SNED1: variants seen among roughly 807,000 people sequenced by gnomAD.
SNED1 encodes the protein sushi, nidogen and EGF-like domain-containing protein 1.
SNED1 carries 81 observed loss-of-function variants against 166.7 expected under a neutral mutation model. The ratio of observed to expected loss-of-function variants is 0.49; its 90% CI spans 0.41 to 0.58. The LOEUF (loss-of-function observed/expected upper bound fraction) is 0.58, where lower values mean the gene tolerates loss of function less well. Among genes scored for constraint, SNED1 ranks in the 20% least tolerant of loss-of-function variants. The pLI is 0.00. For synonymous variants in SNED1, 762 were observed against 822.0 expected (o/e 0.93, Z 1.25); for missense variants, 1,604 against 2,000.2 (o/e 0.80, Z 3.78).
chr2:241,037,163 G>T (rs1028898426), intron 5 of SNED1, 77 bp from the exon 6 acceptor site: 2 of 1,296,458 alleles, frequency 1.5e-6, no homozygotes, highest in Non-Finnish European at 2.2e-6. Context: ...CTCCGTCCCC[G>T]GCCCAACCCG....
Position 241,094,486 on chromosome 2 carries a change from C to T in SNED1, c.*2850C>T, listed in dbSNP as rs2064257004. ...AGTGCTGAATCCCCACAATTGCATGCAGCTCACACCTACCAGGGGTATTCC... is the reference window on the plus strand; with the variant it reads ...AGTGCTGAATCCCCACAATTGCATGTAGCTCACACCTACCAGGGGTATTCC... On this transcript the variant is annotated 3_prime_UTR_variant, in exon 32 of 32. Coordinates refer to ENST00000310397, the MANE Select transcript of SNED1 (RefSeq NM_001080437.3). The surrounding 1 kb of genome is among the most constrained non-coding windows in gnomAD (Gnocchi z 4.3). The T allele has an allele frequency of 8.7e-6, 4 of 457,506 alleles. No individual in the cohort carries two copies. The highest frequency in any genetic ancestry group is 4.8e-5 in the South Asian group (3 of 62,232). 28.3% of individuals were successfully genotyped at this position (457,506 alleles called of 1,614,324 possible).
chr2:241,023,806 C>T (rs1215080443), intron 1 of SNED1, among the ~76,000 whole-genome samples: 3 of 149,236 alleles, frequency 2.0e-5, no homozygotes, highest in East Asian at 3.9e-4. Context: ...TATACCAGCT[C>T]TTGCTTTTGA....
chr2:241,047,743 G>C (rs937123409), intron 8 of SNED1, among the ~76,000 whole-genome samples: 2 of 152,134 alleles, frequency 1.3e-5, no homozygotes. Flanking sequence ...TCCATTCCTG[G>C]GTGGCTTCTC....
At position 241,040,382 on chromosome 2, in the gene SNED1, C is replaced by G; in HGVS notation, c.1242C>G (p.Ala414=). ...TGGGGAATTACACCTGCTTGTGTGC[C>G]GAGCCCTTCAAGGGACTTCGCTGTG... is the stretch of plus-strand genomic sequence containing the variant. ...DLVGNYTCLC[A]EPFKGLRCET... is the part of the protein sequence containing the mutation. Residue 414 remains alanine (A), a synonymous_variant, in exon 8 of 32, where the codon GCC becomes GCG. Coordinates refer to ENST00000310397, the MANE Select transcript of SNED1 (RefSeq NM_001080437.3). 2 of 1,605,296 alleles carry G rather than the reference C, an allele frequency of 1.2e-6. No homozygotes were observed. Among genetic ancestry groups the G allele is most frequent in the Non-Finnish European group, 1.7e-6 (2 of 1,175,962 alleles).
At chr2:241,017,057 G>T (rs904950453) in intron 1 of SNED1, among the ~76,000 whole-genome samples, 2 of 151,906 alleles carry the variant, frequency 1.3e-5, no homozygotes, top group African/African-American at 2.4e-5. Flanking sequence ...CTCCATGTTG[G>T]TCAGGCTGGT....
Position 241,071,861 on chromosome 2 carries a change from C to T in SNED1, c.3800C>T (p.Ala1267Val), listed in dbSNP as rs1389240061. ...SARFGGSPSKAATVRSQPTAS... is the reference protein window; with the variant it reads ...SARFGGSPSKVATVRSQPTAS... ...AGGTTCGGTGGCTCACCCAGCAAAG[C>T]AGCCACCGTGAGATCACGTGAGTGC... Residue 1267 changes from alanine (A) to valine (V), a missense_variant, in exon 26 of 32, where the codon GCA becomes GTA. Transcript: ENST00000310397. 2.5e-6 allele frequency: 4 copies of T among 1,604,480 alleles called. No homozygotes were observed. The African/African-American group carries it at 4.0e-5, about 16-fold the overall frequency.
chr2:241,062,966 C>A, intron 17 of SNED1, 62 bp downstream of exon 17: 1 of 1,088,268 alleles, frequency 9.2e-7, no homozygotes, highest in Non-Finnish European at 1.3e-6. Flanking sequence ...GTGCCTGAGG[C>A]ACTGGGTCCC....
At chr2:241,063,012 AC>A in intron 17 of SNED1, 108 bp downstream of exon 17, 1 of 676,170 alleles carries the variant, frequency 1.5e-6, no homozygotes, top group Non-Finnish European at 2.5e-6. Context: ...CAGGGTGGCC[AC>A]TGCATGCTTT....
At chr2:241,037,382 G>T in intron 6 of SNED1, 29 bp downstream of exon 6, 1 of 1,463,696 alleles carries the variant, frequency 6.8e-7, no homozygotes, top group Non-Finnish European at 9.4e-7. Flanking sequence ...GGCCCACGGG[G>T]CCCTGCTGGG....
At chr2:241,050,304 G>A (rs1473883517) in intron 12 of SNED1, among the ~76,000 whole-genome samples, 2 of 152,134 alleles carry the variant, frequency 1.3e-5, no homozygotes, top group Non-Finnish European at 2.9e-5. Context: ...ACATTTAGTC[G>A]CTTGAGAATA....
chr2:241,048,323 C>T lies in SNED1; in HGVS notation c.1282C>T (p.Pro428Ser). Residue 428 changes from proline (P) to serine (S), a missense_variant, in exon 9 of 32, where the codon CCA (proline) becomes TCA (serine). Pro to Ser is a moderately conservative substitution (Grantham distance 74, BLOSUM62 -1). Around this residue, in one of 2 missense-constraint regions of SNED1, gnomAD observed 1,237 missense variants for 1,620.8 expected, o/e 0.76. Transcript: ENST00000310397. ...TGCCGTCTTTCTTGCAGGAGACCAT[C>T]CAGTGCCAGACGCCTGCCTCTCGGC... ...KGLRCETGDH[P>S]VPDACLSAPC... The T allele has an allele frequency of 1.2e-6, 2 of 1,604,730 alleles. No homozygotes were observed. The highest frequency in any genetic ancestry group is 8.5e-7 in the Non-Finnish European group (1 of 1,176,314).
At chr2:241,055,379 G>A (rs1559273628) in intron 16 of SNED1, among the ~76,000 whole-genome samples, 1 of 152,032 alleles carries the variant, frequency 6.6e-6, no homozygotes, top group Admixed American at 6.5e-5. Context: ...ACTTCCAGAG[G>A]GAAAATCAGG....
At chr2:241,090,154 CG>C in intron 31 of SNED1, 1 of 1,461,550 alleles carries the variant, frequency 6.8e-7, no homozygotes, top group Non-Finnish European at 9.1e-7. Flanking sequence ...ACACACTGTA[CG>C]GATGTTCAAA....
chr2:241,063,961 C>T (rs2062330176), intron 18 of SNED1, 51 bp from the exon 19 acceptor site: 26 of 1,324,064 alleles, frequency 2.0e-5, no homozygotes, highest in Non-Finnish European at 2.5e-5. Context: ...TCTCCTCCCT[C>T]CCCCAGACTC....
chr2:241,000,071 ACTC>A (rs953046590), intron 1 of SNED1, among the ~76,000 whole-genome samples: 1 of 151,610 alleles, frequency 6.6e-6, no homozygotes, highest in African/African-American at 2.4e-5. Context: ...TGTACTGCCA[ACTC>A]CTCCGTCAAC....
Position 241,070,083 on chromosome 2 carries a change from G to A in SNED1, c.3471G>A (p.Ala1157=). The change falls in exon 24 of 32, where the codon GCG becomes GCA. Residue 1157 remains alanine (A), a synonymous_variant. Transcript: ENST00000310397. ...KSRYVPNGKL[A]SYTVRDLLPG... is the part of the protein sequence containing the mutation. ...GCTATGTCCCCAACGGGAAGCTGGCGTCCTACACGGTGCGCGACCTGCTGC... is the reference window on the plus strand; with the variant it reads ...GCTATGTCCCCAACGGGAAGCTGGCATCCTACACGGTGCGCGACCTGCTGC... 6.2e-6 allele frequency: 10 copies of A among 1,613,098 alleles called. No homozygotes were observed. The highest frequency in any genetic ancestry group is 3.3e-5 in the South Asian group (3 of 91,084).
At chr2:241,059,509 T>G (rs377756685) in intron 16 of SNED1, among the ~76,000 whole-genome samples, 9 of 152,170 alleles carry the variant, frequency 5.9e-5, no homozygotes, top group African/African-American at 2.2e-4. Context: ...CTGGTATCTC[T>G]CAAGAACATA....
At chr2:241,021,676 A>G (rs572725560) in intron 1 of SNED1, among the ~76,000 whole-genome samples, 2 of 152,344 alleles carry the variant, frequency 1.3e-5, no homozygotes, top group African/African-American at 4.8e-5. Context: ...TCATGAGTTG[A>G]TAGACACTGG....
At chr2:241,063,742 C>A in intron 18 of SNED1, 42 bp downstream of exon 18, 1 of 1,370,542 alleles carries the variant, frequency 7.3e-7, no homozygotes, top group Non-Finnish European at 1.0e-6. Context: ...AGAGCCTGGG[C>A]CTCTGGAAGA....
Sources: gnomAD v4.1 joint callset for allele counts (sites outside exome capture counted in the v4.1 genomes callset) on GRCh38, gnomAD v4.1.1 for gene constraint, gnomAD v4.1.1 regional missense constraint, Gnocchi (gnomAD v3.1) non-coding constraint, MANE v1.5 for transcripts, NCBI Gene and HGNC (gene_info 2026-07-23, HGNC 2026-07-21) for gene names.